The following CHCHD6 variants were observed in gnomAD, a reference collection of about 807,000 sequenced individuals.
CHCHD6 encodes coiled-coil-helix-coiled-coil-helix domain containing 6, also known as MICOS complex subunit MIC25.
A neutral mutation model predicts 32.3 loss-of-function variants in CHCHD6; 28 were observed. The ratio of observed to expected loss-of-function variants is 0.87; its 90% CI spans 0.64 to 1.19. CHCHD6 has a LOEUF of 1.19. CHCHD6 is among the 50% of genes most tolerant of loss of function. CHCHD6 has a pLI of 0.00. For synonymous variants in CHCHD6, 122 were observed against 117.5 expected (o/e 1.04, Z -0.25); for missense variants, 333 against 307.0 (o/e 1.08, Z -0.63).
intron 4 of CHCHD6, among the ~76,000 whole-genome samples, chr3:126,781,717 TC>T (rs1183910926): frequency 6.6e-6 from 1 of 152,218 alleles, no homozygotes; most frequent in East Asian, 1.9e-4. Context: ...GCCTGCATTA[TC>T]CCGGTACCCA....
At chr3:126,806,792 C>G (rs1463054333) in intron 4 of CHCHD6, among the ~76,000 whole-genome samples, 1 of 152,004 alleles carries the variant, frequency 6.6e-6, no homozygotes, top group African/African-American at 2.4e-5. Flanking sequence ...AGACTTGGAA[C>G]CAACCCAAAT....
At chr3:126,806,808 A>T (rs1251114687) in intron 4 of CHCHD6, among the ~76,000 whole-genome samples, 1 of 152,126 alleles carries the variant, frequency 6.6e-6, no homozygotes, top group African/African-American at 2.4e-5. Context: ...CAAATGTCCA[A>T]CAATGATAGA....
intron 4 of CHCHD6, among the ~76,000 whole-genome samples, chr3:126,852,249 A>G (rs1941500239): frequency 1.3e-5 from 2 of 151,976 alleles, no homozygotes; most frequent in South Asian, 4.1e-4. Context: ...GACCCCAGCT[A>G]CTCTCTGAAT....
intron 6 of CHCHD6, among the ~76,000 whole-genome samples, chr3:126,946,650 A>T (rs1326418455): frequency 6.6e-6 from 1 of 152,172 alleles, no homozygotes; most frequent in African/African-American, 2.4e-5. Flanking sequence ...ACCCAGGCTG[A>T]GTGGCACATC....
chr3:126,919,260 T>C (rs1037266283), intron 6 of CHCHD6, among the ~76,000 whole-genome samples: 1 of 152,008 alleles, frequency 6.6e-6, no homozygotes, highest in Non-Finnish European at 1.5e-5. Context: ...TACAGATTTA[T>C]TGTTTTTTTC....
intron 4 of CHCHD6, among the ~76,000 whole-genome samples, chr3:126,826,602 A>G (rs1940402723): frequency 6.6e-6 from 1 of 152,196 alleles, no homozygotes; most frequent in Admixed American, 6.5e-5. Flanking sequence ...TAATGGCGGC[A>G]GAAGGAGGCA....
At chr3:126,793,516 C>G (rs373783836) in intron 4 of CHCHD6, among the ~76,000 whole-genome samples, 2 of 152,116 alleles carry the variant, frequency 1.3e-5, no homozygotes, top group South Asian at 2.1e-4. Flanking sequence ...CCCCTCCCCC[C>G]ATAATGATAT....
chr3:126,823,919 A>ACC (rs1940265025), intron 4 of CHCHD6, among the ~76,000 whole-genome samples: 3 of 151,728 alleles, frequency 2.0e-5, no homozygotes, highest in Non-Finnish European at 2.9e-5. Flanking sequence ...ACACACACAC[A>ACC]CCCACATTAT....
At chr3:126,740,155 G>C (rs1384661356) in intron 4 of CHCHD6, among the ~76,000 whole-genome samples, 1 of 152,148 alleles carries the variant, frequency 6.6e-6, no homozygotes, top group Non-Finnish European at 1.5e-5. Flanking sequence ...GTACCTGAAG[G>C]GTTCATCTAA....
At chr3:126,947,796 C>T (rs940042360) in intron 6 of CHCHD6, among the ~76,000 whole-genome samples, 1 of 152,212 alleles carries the variant, frequency 6.6e-6, no homozygotes, top group African/African-American at 2.4e-5. Context: ...CCAGATCTCT[C>T]CCAGTGCAGA....
chr3:126,865,066 T>TCCAC (rs1559890913), intron 5 of CHCHD6, among the ~76,000 whole-genome samples: 1 of 39,012 alleles, frequency 2.6e-5, no homozygotes, highest in Non-Finnish European at 6.7e-5. Flanking sequence ...TCCTCCTCCT[T>TCCAC]TTCCACCACC....
At chr3:126,818,926 TG>T (rs1355837071) in intron 4 of CHCHD6, among the ~76,000 whole-genome samples, 1 of 152,178 alleles carries the variant, frequency 6.6e-6, no homozygotes. Flanking sequence ...TAGGCCTACG[TG>T]GCAACTGTGG....
intron 1 of CHCHD6, among the ~76,000 whole-genome samples, chr3:126,710,232 T>G (rs1219460522): frequency 1.3e-5 from 2 of 152,348 alleles, no homozygotes; most frequent in East Asian, 3.8e-4. Context: ...CTTGGAACCT[T>G]TGTGAAAATC....
chr3:126,933,625 C>G (rs753374035), intron 6 of CHCHD6, among the ~76,000 whole-genome samples: 4 of 152,068 alleles, frequency 2.6e-5, no homozygotes, highest in African/African-American at 9.7e-5. Context: ...TCTCATTATT[C>G]GCTCATTACC....
intron 5 of CHCHD6, among the ~76,000 whole-genome samples, chr3:126,861,493 A>G (rs372227522): frequency 1.3e-5 from 2 of 150,166 alleles, no homozygotes; most frequent in African/African-American, 2.4e-5. Flanking sequence ...TTCCATTCCC[A>G]CCCCTGCCCC....
intron 4 of CHCHD6, among the ~76,000 whole-genome samples, chr3:126,807,181 TA>T (rs1939432217): frequency 6.6e-6 from 1 of 150,418 alleles, no homozygotes; most frequent in Non-Finnish European, 1.5e-5. Context: ...ACATGTACCC[TA>T]AAACTTAAAG....
intron 4 of CHCHD6, among the ~76,000 whole-genome samples, chr3:126,798,192 T>A (rs1938887927): frequency 6.6e-6 from 1 of 152,188 alleles, no homozygotes; most frequent in African/African-American, 2.4e-5. Context: ...CACTCGGGCT[T>A]CCTGGGCCAG....
chr3:126,866,230 T>C (rs1942286691), intron 5 of CHCHD6, among the ~76,000 whole-genome samples: 1 of 152,188 alleles, frequency 6.6e-6, no homozygotes, highest in Non-Finnish European at 1.5e-5. Flanking sequence ...TCTCCAAAGC[T>C]GGTTTTCTTG....
intron 4 of CHCHD6, among the ~76,000 whole-genome samples, chr3:126,834,961 T>C (rs1399951146): frequency 6.6e-6 from 1 of 152,146 alleles, no homozygotes; most frequent in Non-Finnish European, 1.5e-5. Flanking sequence ...TCTGGAGGAA[T>C]AAGAGCTCCG....
Sources: allele counts gnomAD v4.1 joint callset (sites outside exome capture counted in the v4.1 genomes callset), GRCh38; gene constraint gnomAD v4.1.1; transcripts MANE v1.5; gene names NCBI Gene and HGNC (gene_info 2026-07-23, HGNC 2026-07-21).